FCHSD2: variants seen among roughly 807,000 people sequenced by gnomAD.
FCHSD2 encodes the protein F-BAR and double SH3 domains protein 2.
In FCHSD2, 38 loss-of-function variants were observed where a neutral mutation model predicts 108.1. The ratio of observed to expected loss-of-function variants is 0.35; its 90% CI spans 0.27 to 0.46. The LOEUF (loss-of-function observed/expected upper bound fraction) is 0.46. Ranked by LOEUF, FCHSD2 falls within the 20% of genes least tolerant of loss-of-function variation. The probability of loss-of-function intolerance (pLI) is 1.00; values close to 1 mark genes in which losing one functional copy is unlikely to be tolerated. For missense variants in FCHSD2, 751 were observed against 897.8 expected (o/e 0.84, Z 2.09); for synonymous variants, 279 against 314.7 (o/e 0.89, Z 1.20).
intron 8 of FCHSD2, among the ~76,000 whole-genome samples, chr11:72,933,226 T>C (rs750149201): frequency 2.0e-5 from 3 of 152,178 alleles, no homozygotes; most frequent in Non-Finnish European, 2.9e-5. Flanking sequence ...TGACTTAAAT[T>C]AGGTCATCCC....
intron 4 of FCHSD2, among the ~76,000 whole-genome samples, chr11:73,011,075 G>A (rs1054368329): frequency 6.6e-6 from 1 of 152,158 alleles, no homozygotes; most frequent in Admixed American, 6.5e-5. Flanking sequence ...ACCAACCTCA[G>A]GCCCCCTAGA....
intron 4 of FCHSD2, among the ~76,000 whole-genome samples, chr11:73,009,254 G>T (rs2135426206): frequency 6.6e-6 from 1 of 152,266 alleles, no homozygotes; most frequent in South Asian, 2.1e-4. Context: ...CCAGCAGTTT[G>T]GGAGGCTGAG....
intron 2 of FCHSD2, among the ~76,000 whole-genome samples, chr11:73,099,247 T>C (rs955892354): frequency 6.6e-6 from 1 of 151,912 alleles, no homozygotes; most frequent in African/African-American, 2.4e-5. Context: ...TACTACTTCC[T>C]ACCCACTAGG....
intron 13 of FCHSD2, among the ~76,000 whole-genome samples, chr11:72,861,635 T>C (rs566932580): frequency 6.6e-6 from 1 of 152,034 alleles, no homozygotes; most frequent in Non-Finnish European, 1.5e-5. Context: ...CCAATCAATA[T>C]ATAGAAAGGA....
chr11:73,130,029 C>T (rs1438115951), intron 2 of FCHSD2, among the ~76,000 whole-genome samples: 1 of 151,754 alleles, frequency 6.6e-6, no homozygotes, highest in Non-Finnish European at 1.5e-5. Flanking sequence ...TCCAGGCACC[C>T]GCCACCACGC....
intron 12 of FCHSD2, chr11:72,869,673 A>G (rs1854809577): frequency 6.6e-6 from 1 of 152,246 alleles, no homozygotes; most frequent in East Asian, 1.9e-4. Flanking sequence ...TGACAAGGGC[A>G]TGGTATTGAT....
At chr11:73,062,379 C>G (rs909422232) in intron 3 of FCHSD2, among the ~76,000 whole-genome samples, 9 of 152,182 alleles carry the variant, frequency 5.9e-5, no homozygotes, top group Non-Finnish European at 1.3e-4. Context: ...AATGCCTCTT[C>G]TCCTCCAAAG....
intron 3 of FCHSD2, 134 bp from the exon 4 acceptor site, chr11:73,016,019 T>TA (rs1453203618): frequency 1.7e-6 from 1 of 599,896 alleles, no homozygotes; most frequent in African/African-American, 1.9e-5. Flanking sequence ...AAAACAATGA[T>TA]AGGCTGCACG....
At chr11:72,858,408 A>G (rs1861482029) in intron 13 of FCHSD2, among the ~76,000 whole-genome samples, 1 of 152,264 alleles carries the variant, frequency 6.6e-6, no homozygotes, top group Admixed American at 6.5e-5. Context: ...AAAATGTGGT[A>G]CATATACACC....
At chr11:73,041,412 T>G (rs915845684) in intron 3 of FCHSD2, among the ~76,000 whole-genome samples, 2 of 152,234 alleles carry the variant, frequency 1.3e-5, no homozygotes, top group African/African-American at 4.8e-5. Context: ...TTCTTTTTAA[T>G]AATCACCATT....
intron 8 of FCHSD2, among the ~76,000 whole-genome samples, chr11:72,952,470 A>G (rs781616755): frequency 6.6e-6 from 1 of 151,930 alleles, no homozygotes; most frequent in African/African-American, 2.4e-5. Context: ...GATTACAGGC[A>G]TGTGTCACCA....
chr11:73,048,657 T>A (rs1708572220), intron 3 of FCHSD2, among the ~76,000 whole-genome samples: 1 of 152,126 alleles, frequency 6.6e-6, no homozygotes, highest in Admixed American at 6.5e-5. Context: ...AAGCTGGAAA[T>A]AACTTGCCAT....
chr11:73,115,966 T>C (rs1171278831), intron 2 of FCHSD2, among the ~76,000 whole-genome samples: 1 of 152,244 alleles, frequency 6.6e-6, no homozygotes, highest in Non-Finnish European at 1.5e-5. Context: ...AGTTGATACA[T>C]AAAAGTAACC....
intron 2 of FCHSD2, among the ~76,000 whole-genome samples, chr11:73,120,594 T>C (rs1860709194): frequency 6.6e-6 from 1 of 152,012 alleles, no homozygotes; most frequent in South Asian, 2.1e-4. Context: ...CCGGGCGTGG[T>C]GGTGCATGCC....
At chr11:73,009,519 AAATT>A (rs1372626129) in intron 4 of FCHSD2, among the ~76,000 whole-genome samples, 1 of 152,108 alleles carries the variant, frequency 6.6e-6, no homozygotes, top group Non-Finnish European at 1.5e-5. Flanking sequence ...ATACTAGAAA[AAATT>A]AAATATATTT....
chr11:72,908,044 C>G (rs1371886471), intron 9 of FCHSD2, among the ~76,000 whole-genome samples: 2 of 152,286 alleles, frequency 1.3e-5, no homozygotes, highest in East Asian at 3.9e-4. Flanking sequence ...CCTTCCCAGA[C>G]TCTGGTAAAC....
intron 2 of FCHSD2, among the ~76,000 whole-genome samples, chr11:73,126,812 T>C (rs1033548661): frequency 1.3e-5 from 2 of 152,066 alleles, no homozygotes; most frequent in Non-Finnish European, 2.9e-5. Context: ...CCAAGGCAGG[T>C]GGATCACTTG....
At chr11:73,001,547 A>C (rs1254787710) in intron 4 of FCHSD2, among the ~76,000 whole-genome samples, 1 of 152,170 alleles carries the variant, frequency 6.6e-6, no homozygotes, top group Non-Finnish European at 1.5e-5. Flanking sequence ...TTAGAGTATC[A>C]CTTTAGGTCA....
chr11:72,841,266 G>A (rs984884113), intron 18 of FCHSD2, among the ~76,000 whole-genome samples, 188 bp downstream of exon 18: 7 of 143,816 alleles, frequency 4.9e-5, no homozygotes, highest in Non-Finnish European at 9.0e-5. Context: ...CCCAGGAATT[G>A]GTTGCTATGA....
Sources: allele counts gnomAD v4.1 joint callset (sites outside exome capture counted in the v4.1 genomes callset), GRCh38; gene constraint gnomAD v4.1.1; transcripts MANE v1.5; gene names NCBI Gene and HGNC (gene_info 2026-07-23, HGNC 2026-07-21).